MGAT4A: variants seen among roughly 807,000 people sequenced by gnomAD.
MGAT4A encodes N-acetylglucosaminyltransferase IVa.
Under a neutral mutation model 74.1 loss-of-function variants are expected in MGAT4A, and 33 were observed. That is an observed-to-expected ratio of 0.45 (90% CI 0.34 to 0.60). MGAT4A has a LOEUF of 0.60. Among genes scored for constraint, MGAT4A ranks in the 20% least tolerant of loss-of-function variants. The probability of loss-of-function intolerance (pLI) is 0.02; values close to 1 mark genes in which losing one functional copy is unlikely to be tolerated. For synonymous variants in MGAT4A, 198 were observed against 210.4 expected, an observed-to-expected ratio of 0.94 and a Z score of 0.51; for missense variants, 479 against 628.3, an observed-to-expected ratio of 0.76 and a Z score of 2.54.
intron 14 of MGAT4A, among the ~76,000 whole-genome samples, chr2:98,626,576 T>C (rs1244853897): frequency 6.6e-6 from 1 of 152,172 alleles, no homozygotes; most frequent in Non-Finnish European, 1.5e-5. Context: ...AGGACAGTCC[T>C]TGTGGGCCAA....
intron 4 of MGAT4A, among the ~76,000 whole-genome samples, chr2:98,670,284 G>A (rs1701895631): frequency 2.0e-5 from 3 of 152,148 alleles, no homozygotes; most frequent in African/African-American, 7.2e-5. Context: ...CTGAGTGCAA[G>A]AGTTCCACTG....
chr2:98,678,128 G>A (rs1369036172), intron 3 of MGAT4A, among the ~76,000 whole-genome samples, 176 bp downstream of exon 3: 1 of 150,964 alleles, frequency 6.6e-6, no homozygotes, highest in African/African-American at 2.4e-5. Flanking sequence ...TATTCAGGAG[G>A]CTGAGGCAGA....
At chr2:98,686,550 GTTT>G (rs200645695) in intron 2 of MGAT4A, among the ~76,000 whole-genome samples, 3 of 145,984 alleles carry the variant, frequency 2.1e-5, no homozygotes, top group Non-Finnish European at 4.5e-5. Flanking sequence ...GTTTTTTGGT[GTTT>G]TTTTTTTTCT....
chr2:98,661,114 T>C (rs970980456), intron 5 of MGAT4A, among the ~76,000 whole-genome samples: 2 of 152,118 alleles, frequency 1.3e-5, no homozygotes, highest in African/African-American at 4.8e-5. Flanking sequence ...TGAACAGACA[T>C]TTCCCAAAAG....
At chr2:98,653,289 T>A (rs1437969812) in intron 8 of MGAT4A, among the ~76,000 whole-genome samples, 3 of 97,764 alleles carry the variant, frequency 3.1e-5, no homozygotes, top group African/African-American at 7.9e-5. Context: ...AACCCAAAAT[T>A]AGCAGAAGGG....
At chr2:98,706,567 A>C (rs62158022) in intron 2 of MGAT4A, among the ~76,000 whole-genome samples, 40,430 of 150,720 alleles carry the variant, frequency 0.27, 6,347 homozygotes, top group Non-Finnish European at 0.36. Context: ...TGACCTCATG[A>C]TCCACCCGCG....
rs143392077 is a variant in MGAT4A, at chr2:98,689,060, G to A, written c.95-10589C>T. On this transcript the variant is annotated intron_variant, in intron 2 of 15. Coordinates refer to ENST00000393487, the MANE Select transcript of MGAT4A (RefSeq NM_012214.3). ...AACTAAATAAAATGGAAGAATGATA[G>A]AACCACCTGGAGGATGGTACATAGT... Among the ~76,000 whole-genome samples, 362 of 152,202 alleles carry A rather than the reference G, an allele frequency of 2.4e-3. 2 individuals carry two copies. Among genetic ancestry groups the A allele is most frequent in the African/African-American group, 8.4e-3 (347 of 41,536 alleles).
intron 8 of MGAT4A, among the ~76,000 whole-genome samples, chr2:98,652,353 C>A (rs1286595275): frequency 7.4e-6 from 1 of 135,048 alleles, no homozygotes; most frequent in Non-Finnish European, 1.5e-5. Context: ...TTTTTTGAGA[C>A]AGAGTCTCAC....
At position 98,646,203 on chromosome 2, in the gene MGAT4A, A is replaced by AT. The variant is rs569162180; in HGVS notation, c.775-662dup. On this transcript the variant is annotated intron_variant, in intron 8 of 15. Coordinates refer to ENST00000393487, the MANE Select transcript of MGAT4A (RefSeq NM_012214.3). Reference sequence around the variant, plus strand: ...TTGGAACTATCAATACAAACGTGTGATTTTTTTTTCCTCTGTAAAATAAAA... The same window carrying AT: ...TTGGAACTATCAATACAAACGTGTGATTTTTTTTTTCCTCTGTAAAATAAAA... 4.7e-3 allele frequency among the ~76,000 whole-genome samples: 719 copies of AT among 151,534 alleles called. 3 individuals carry two copies. Among genetic ancestry groups the AT allele is most frequent in the Middle Eastern group, 0.024 (7 of 294 alleles).
intron 2 of MGAT4A, among the ~76,000 whole-genome samples, chr2:98,724,961 G>T (rs894078252): frequency 3.9e-5 from 6 of 152,222 alleles, no homozygotes; most frequent in African/African-American, 1.4e-4. Flanking sequence ...TGTAGTCCCA[G>T]CTACTCCTGT....
chr2:98,684,038 C>T (rs994556438), intron 2 of MGAT4A, among the ~76,000 whole-genome samples: 2 of 152,202 alleles, frequency 1.3e-5, no homozygotes, highest in Non-Finnish European at 2.9e-5. Flanking sequence ...AGGGCAACTT[C>T]ATATTCCATC....
At chr2:98,651,251 A>T (rs1432141493) in intron 8 of MGAT4A, among the ~76,000 whole-genome samples, 1 of 152,246 alleles carries the variant, frequency 6.6e-6, no homozygotes. Context: ...GTAAATATAC[A>T]GATAAATATA....
At chr2:98,659,112 CA>C (rs556939164) in intron 5 of MGAT4A, among the ~76,000 whole-genome samples, 157 of 152,284 alleles carry the variant, frequency 1.0e-3, no homozygotes, top group African/African-American at 3.7e-3. Context: ...TGACGTTCAA[CA>C]GTAAGAATTG....
chr2:98,663,946 G>A (rs1208825851), intron 4 of MGAT4A, among the ~76,000 whole-genome samples: 2 of 152,078 alleles, frequency 1.3e-5, no homozygotes, highest in East Asian at 1.9e-4. Flanking sequence ...AGTGGTTCAC[G>A]CCTGTAATCC....
chr2:98,626,752 A>G lies in MGAT4A; in HGVS notation c.1469-917T>C, dbSNP rs7561785. On this transcript the variant is annotated intron_variant, in intron 14 of 15. Transcript: ENST00000393487. ...GAAGAACATAATTCCTTTCGGGAGT[A>G]TAACATTTCACTTAACTGGGGTTCA... Among the ~76,000 whole-genome samples the G allele has an allele frequency of 5.6e-3, 850 of 152,332 alleles. 10 individuals are homozygous for G. The highest frequency in any genetic ancestry group is 0.019 in the African/African-American group (795 of 41,574).
intron 2 of MGAT4A, among the ~76,000 whole-genome samples, chr2:98,692,639 T>C (rs1320086877): frequency 6.6e-6 from 1 of 152,224 alleles, no homozygotes. Context: ...GTATTTTTAC[T>C]TTATCTTTTC....
At chr2:98,690,394 T>G (rs1267815186) in intron 2 of MGAT4A, among the ~76,000 whole-genome samples, 1 of 152,142 alleles carries the variant, frequency 6.6e-6, no homozygotes, top group African/African-American at 2.4e-5. Context: ...TACGGGAAAC[T>G]GACCTCCCAA....
intron 10 of MGAT4A, 109 bp downstream of exon 10, chr2:98,643,814 A>G: frequency 2.7e-6 from 3 of 1,106,762 alleles, no homozygotes; most frequent in Middle Eastern, 3.1e-4. Flanking sequence ...TCAGGAAAGA[A>G]GTTTTATATC....
chr2:98,702,799 CG>C (rs1224796032), intron 2 of MGAT4A, among the ~76,000 whole-genome samples: 1 of 152,172 alleles, frequency 6.6e-6, no homozygotes, highest in Non-Finnish European at 1.5e-5. Context: ...CTAATCAAAA[CG>C]GAAGTACAGA....
Sources: gnomAD v4.1 joint callset for allele counts (sites outside exome capture counted in the v4.1 genomes callset) on GRCh38, gnomAD v4.1.1 for gene constraint, MANE v1.5 for transcripts, NCBI Gene and HGNC (gene_info 2026-07-23, HGNC 2026-07-21) for gene names.